ARHGAP23: variants seen among roughly 807,000 people sequenced by gnomAD.
ARHGAP23 encodes Rho GTPase activating protein 23, also known as rho GTPase-activating protein 23.
A neutral mutation model predicts 136.3 loss-of-function variants in ARHGAP23; 34 were observed. The ratio of observed to expected loss-of-function variants is 0.25; its 90% CI spans 0.19 to 0.33. The LOEUF (loss-of-function observed/expected upper bound fraction) is 0.33, where lower values mean the gene tolerates loss of function less well. ARHGAP23 is among the 10% of genes least tolerant of loss of function. The pLI is 1.00. For missense variants in ARHGAP23, 1,808 were observed against 2,139.0 expected, an observed-to-expected ratio of 0.85 and a Z score of 3.05; for synonymous variants, 832 against 920.5, an observed-to-expected ratio of 0.90 and a Z score of 1.74.
At chr17:38,426,550 C>CAAAA (rs751365956), upstream of ARHGAP23, among the ~76,000 whole-genome samples, 475 of 51,130 alleles carry the variant, frequency 9.3e-3, 15 homozygotes, top group Middle Eastern at 0.019. Context: ...AACTCCATCT[C>CAAAA]AAAAAAAAAA....
chr17:38,420,431 T>C (rs2038509205), intron 1 of ARHGAP23, among the ~76,000 whole-genome samples: 1 of 152,194 alleles, frequency 6.6e-6, no homozygotes, highest in Admixed American at 6.5e-5. Context: ...CCCAAGTTCT[T>C]TGGGGCTGTT....
chr17:38,493,796 G>A (rs958225890), intron 20 of ARHGAP23, among the ~76,000 whole-genome samples: 1 of 152,216 alleles, frequency 6.6e-6, no homozygotes, highest in African/African-American at 2.4e-5. Flanking sequence ...CACGCAGCAA[G>A]ATAATGGCAG....
intron 1 of ARHGAP23, among the ~76,000 whole-genome samples, chr17:38,434,379 C>T (rs1380919777): frequency 1.3e-5 from 2 of 152,240 alleles, no homozygotes; most frequent in African/African-American, 4.8e-5. Context: ...GGGAATCTGG[C>T]CGAGGAGCTG....
intron 2 of ARHGAP23, 94 bp from the exon 3 acceptor site, chr17:38,460,810 CG>C: frequency 1.3e-6 from 2 of 1,534,938 alleles, no homozygotes; most frequent in Non-Finnish European, 1.7e-6. Context: ...TAAGGGGTGG[CG>C]GGAACCTGAA....
intron 20 of ARHGAP23, among the ~76,000 whole-genome samples, chr17:38,497,213 T>C (rs1463475862): frequency 6.6e-6 from 1 of 152,232 alleles, no homozygotes; most frequent in Admixed American, 6.5e-5. Context: ...TTATTTTCTC[T>C]CTTGTTTGGC....
chr17:38,445,129 G>A (rs2039003209), intron 1 of ARHGAP23, among the ~76,000 whole-genome samples: 1 of 151,516 alleles, frequency 6.6e-6, no homozygotes, highest in Non-Finnish European at 1.5e-5. Flanking sequence ...TTTATTTTGT[G>A]TGTGTGTTTG....
At chr17:38,478,950 C>T (rs1235582587) in intron 12 of ARHGAP23, among the ~76,000 whole-genome samples, 1 of 152,188 alleles carries the variant, frequency 6.6e-6, no homozygotes, top group South Asian at 2.1e-4. Context: ...AGGTCACATC[C>T]TCTTACTGAC....
intron 1 of ARHGAP23, chr17:38,453,752 G>C (rs1218687651): frequency 6.8e-6 from 1 of 147,588 alleles, no homozygotes; most frequent in African/African-American, 2.5e-5. Context: ...CCGTCCGCGC[G>C]GGCCGTCCGT....
intron 17 of ARHGAP23, among the ~76,000 whole-genome samples, chr17:38,487,543 C>T (rs2040186227): frequency 6.6e-6 from 1 of 152,126 alleles, no homozygotes. Flanking sequence ...CTCTCCACAT[C>T]CCCAACAGCA....
At chr17:38,420,485 C>T (rs2038509664) in intron 1 of ARHGAP23, among the ~76,000 whole-genome samples, 1 of 152,226 alleles carries the variant, frequency 6.6e-6, no homozygotes, top group African/African-American at 2.4e-5. Flanking sequence ...GAGACCCTCC[C>T]CTCCAGGCTG....
upstream of ARHGAP23, among the ~76,000 whole-genome samples, chr17:38,426,138 A>T (rs2144464900): frequency 6.6e-6 from 1 of 152,084 alleles, no homozygotes; most frequent in East Asian, 1.9e-4. Flanking sequence ...ACAACCCTTT[A>T]TCCTGGGAGG....
intron 1 of ARHGAP23, among the ~76,000 whole-genome samples, chr17:38,447,618 A>AC (rs971532586): frequency 1.1e-4 from 16 of 152,182 alleles, no homozygotes; most frequent in Admixed American, 3.3e-4. Flanking sequence ...GGGGAAAGAC[A>AC]CAGGCCATGC....
Position 38,477,048 on chromosome 17 carries a change from A to G in ARHGAP23, c.2119-531A>G, listed in dbSNP as rs1243703180. Among the ~76,000 whole-genome samples the G allele has an allele frequency of 6.6e-6, 1 of 152,020 alleles. No individual in the cohort carries two copies. The highest frequency in any genetic ancestry group is 1.5e-5 in the Non-Finnish European group (1 of 67,986). On this transcript the variant is annotated intron_variant, in intron 11 of 23. Transcript: ENST00000622683. The surrounding 1 kb of genome is among the most constrained non-coding windows in gnomAD (Gnocchi z 6.6). ...CAGATGCCGCTGAGGGGTTAAGGCA[A>G]GTTGGGGAGAAGCAGCCACTGGCTT... is the stretch of plus-strand genomic sequence containing the variant.
intron 1 of ARHGAP23, among the ~76,000 whole-genome samples, chr17:38,439,887 G>C (rs1400447018): frequency 6.7e-6 from 1 of 149,158 alleles, no homozygotes; most frequent in East Asian, 2.0e-4. Context: ...CGATTCTCCT[G>C]CCCGGCTAAT....
intron 23 of ARHGAP23, among the ~76,000 whole-genome samples, chr17:38,508,911 T>C (rs955696577): frequency 6.6e-6 from 1 of 151,704 alleles, no homozygotes; most frequent in Non-Finnish European, 1.5e-5. Flanking sequence ...GAGTGTGGTG[T>C]TGGACAGGGA....
At chr17:38,421,340 C>T (rs555571934) in intron 1 of ARHGAP23, among the ~76,000 whole-genome samples, 1 of 152,334 alleles carries the variant, frequency 6.6e-6, no homozygotes, top group East Asian at 1.9e-4. Flanking sequence ...CAGCCTGTCC[C>T]CTGGACTGTG....
chr17:38,462,714 T>G, intron 3 of ARHGAP23, 132 bp from the exon 4 acceptor site: 2 of 647,508 alleles, frequency 3.1e-6, no homozygotes, highest in Non-Finnish European at 5.0e-6. Context: ...TCCTCGTGGA[T>G]GTTTGAGCCT....
intron 20 of ARHGAP23, among the ~76,000 whole-genome samples, chr17:38,493,665 C>G (rs2040328182): frequency 6.6e-6 from 1 of 152,252 alleles, no homozygotes; most frequent in African/African-American, 2.4e-5. Context: ...CCAGCTCTGT[C>G]TAGCCTGGAG....
At chr17:38,486,567 C>G (rs950530342) in intron 17 of ARHGAP23, among the ~76,000 whole-genome samples, 12 of 135,778 alleles carry the variant, frequency 8.8e-5, no homozygotes, top group African/African-American at 3.3e-4. Context: ...AACACAAAAG[C>G]TTATTTAAAA....
Sources: allele counts gnomAD v4.1 joint callset (sites outside exome capture counted in the v4.1 genomes callset), GRCh38; gene constraint gnomAD v4.1.1; non-coding constraint Gnocchi (gnomAD v3.1); transcripts MANE v1.5; gene names NCBI Gene and HGNC (gene_info 2026-07-23, HGNC 2026-07-21).